SPPL2A: variants seen among roughly 807,000 people sequenced by gnomAD.
SPPL2A encodes the protein signal peptide peptidase like 2A, also known as signal peptide peptidase-like 2A.
SPPL2A carries 51 observed loss-of-function variants against 63.8 expected under a neutral mutation model. That is an observed-to-expected ratio of 0.80 (90% confidence interval 0.64 to 1.01). The LOEUF (loss-of-function observed/expected upper bound fraction) is 1.01, where lower values mean the gene tolerates loss of function less well. SPPL2A is among the 50% of genes least tolerant of loss of function. SPPL2A has a pLI of 0.00. For missense variants in SPPL2A, 553 were observed against 622.7 expected (o/e 0.89, Z 1.19); for synonymous variants, 188 against 205.8 (o/e 0.91, Z 0.74).
chr15:50,725,199 TA>T, intron 12 of SPPL2A, 21 bp downstream of exon 12: 1 of 1,335,548 alleles, frequency 7.5e-7, no homozygotes, highest in African/African-American at 1.5e-5. Flanking sequence ...TTTTTTTAAC[TA>T]AAATTGTTAC....
rs752620935 is a variant in SPPL2A at position 50,747,496 on chromosome 15, A to C, written c.583T>G (p.Leu195Val). The C allele has an allele frequency of 6.3e-6, 10 of 1,598,618 alleles. No homozygotes were observed. The highest frequency in any genetic ancestry group is 8.5e-6 in the Non-Finnish European group (10 of 1,176,230). ...LGGYWSGLVE[L>V]ENLKAVTTED... ...AACGCTTAAGTTAATTAAACTTACA[A>C]TTCAACTAGTCCACTCCAGTATCCA... Residue 195 changes from leucine (L) to valine (V), a missense_variant and splice_region_variant, in exon 5 of 15, where the codon TTG becomes GTG. Leu to Val is a conservative substitution (Grantham distance 32, BLOSUM62 1). Coordinates refer to ENST00000261854, the MANE Select transcript of SPPL2A (RefSeq NM_032802.4).
chr15:50,707,970 G>C (rs111663363), intron 14 of SPPL2A, 96 bp from the exon 15 acceptor site: 1 of 720,600 alleles, frequency 1.4e-6, no homozygotes, highest in Non-Finnish European at 2.5e-6. Flanking sequence ...AAAAAACACA[G>C]ATTGCTCTAT....
intron 10 of SPPL2A, among the ~76,000 whole-genome samples, chr15:50,727,740 T>C (rs958043385): frequency 1.9e-4 from 29 of 152,196 alleles, no homozygotes; most frequent in African/African-American, 6.8e-4. Context: ...ATTTAATCCT[T>C]CAAATTTACA....
chr15:50,720,651 C>T (rs1448313494), intron 13 of SPPL2A, among the ~76,000 whole-genome samples: 1 of 151,542 alleles, frequency 6.6e-6, no homozygotes, highest in Non-Finnish European at 1.5e-5. Flanking sequence ...TCCCAAGTAG[C>T]TGGGATTATA....
chr15:50,731,088 T>C (rs1482297356), intron 9 of SPPL2A, 49 bp from the exon 10 acceptor site: 2 of 792,058 alleles, frequency 2.5e-6, no homozygotes, highest in African/African-American at 1.7e-5. Flanking sequence ...TAAATGTAAA[T>C]GAAGGCATTA....
At chr15:50,741,907 A>G (rs10400818) in intron 5 of SPPL2A, among the ~76,000 whole-genome samples, 37,865 of 151,768 alleles carry the variant, frequency 0.25, 5,672 homozygotes, top group East Asian at 0.55. Flanking sequence ...CAGAGGTTGC[A>G]GTGAGCGAAG....
chr15:50,747,321 T>G (rs766174984), intron 5 of SPPL2A, among the ~76,000 whole-genome samples, 174 bp downstream of exon 5: 7 of 152,198 alleles, frequency 4.6e-5, no homozygotes, highest in Non-Finnish European at 8.8e-5. Flanking sequence ...AATCTGTGAC[T>G]CTTTTCTCTC....
At chr15:50,739,143 A>AGTG (rs144697977) in intron 6 of SPPL2A, among the ~76,000 whole-genome samples, 4,213 of 150,194 alleles carry the variant, frequency 0.028, 77 homozygotes, top group Middle Eastern at 0.1. Flanking sequence ...TCCATGAAGA[A>AGTG]GTGTTCTTAT....
rs1453631286 is a variant in SPPL2A at position 50,707,559 on chromosome 15, A to G, written c.*241T>C. ...TTTTTTTTAGAAAAATATACTGTAT[A>G]TAGTACATCTCGGAAACTACACAGA... On this transcript the variant is annotated 3_prime_UTR_variant, in exon 15 of 15. Coordinates refer to ENST00000261854, the MANE Select transcript of SPPL2A (RefSeq NM_032802.4). 6.6e-6 allele frequency: 3 copies of G among 452,460 alleles called. No individual in the cohort carries two copies. Among genetic ancestry groups the G allele is most frequent in the Non-Finnish European group, 1.2e-5 (3 of 254,516 alleles). 28.0% of individuals were successfully genotyped at this position (452,460 alleles called of 1,614,324 possible).
At position 50,739,738 on chromosome 15, in the gene SPPL2A, T is replaced by C. The variant is rs767476879; in HGVS notation, c.675A>G (p.Ile225Met). The change falls in exon 6 of 15, where the codon ATA becomes ATG. Residue 225 changes from isoleucine (I) to methionine (M), a missense_variant. Transcript: ENST00000261854. ...YLTFSPLTVVIFVVICCVMMV... is the reference protein window; with the variant it reads ...YLTFSPLTVVMFVVICCVMMV... ...TCATAACACAGCAGATGACCACAAA[T>C]ATTACAACTGTAAGAGGACTAAAAG... is the stretch of plus-strand genomic sequence containing the variant. 3 of 1,602,756 alleles carry C rather than the reference T, an allele frequency of 1.9e-6. No individual in the cohort carries two copies. In the South Asian group the frequency reaches 3.4e-5, roughly 18 times the overall value.
At chr15:50,748,605 C>T in intron 3 of SPPL2A, 83 bp downstream of exon 3, 1 of 921,748 alleles carries the variant, frequency 1.1e-6, no homozygotes. Flanking sequence ...AGCCTCTAAA[C>T]CACACACAAA....
intron 11 of SPPL2A, 185 bp from the exon 12 acceptor site, chr15:50,725,508 G>C: frequency 2.3e-6 from 1 of 428,170 alleles, no homozygotes; most frequent in Non-Finnish European, 4.2e-6. Flanking sequence ...AACTGCAACT[G>C]CAACCTCCGC....
chr15:50,708,566 C>G (rs1173312307), intron 14 of SPPL2A, among the ~76,000 whole-genome samples: 1 of 151,554 alleles, frequency 6.6e-6, no homozygotes, highest in African/African-American at 2.4e-5. Flanking sequence ...ATTAGCTGGG[C>G]GTAGTGGCGG....
chr15:50,719,923 A>G lies in SPPL2A; in HGVS notation c.1488+17T>C. ...TAAGCCATAAGATAACTTGGTAACC[A>G]AAGTATAAGCACATACCTGATAGCT... On this transcript the variant is annotated intron_variant, in intron 14 of 14. Transcript: ENST00000261854. 2 of 1,588,206 alleles carry G rather than the reference A, an allele frequency of 1.3e-6. No individual in the cohort carries two copies. The highest frequency in any genetic ancestry group is 1.4e-5 in the African/African-American group (1 of 73,942).
intron 6 of SPPL2A, among the ~76,000 whole-genome samples, chr15:50,739,085 C>T (rs1253060018): frequency 6.6e-6 from 1 of 151,030 alleles, no homozygotes; most frequent in Non-Finnish European, 1.5e-5. Context: ...CTATATCATT[C>T]ATCTACAGAG....
At chr15:50,720,463 C>A (rs552736250) in intron 13 of SPPL2A, among the ~76,000 whole-genome samples, 1 of 151,440 alleles carries the variant, frequency 6.6e-6, no homozygotes, top group Non-Finnish European at 1.5e-5. Context: ...ATCTTCCTAA[C>A]ACTGATTACA....
rs2062497845 is a variant in SPPL2A, at chr15:50,704,952, T to A, written c.*2848A>T. 1 of 152,242 alleles carries A rather than the reference T, an allele frequency of 6.6e-6. No individual in the cohort carries two copies. The highest frequency in any genetic ancestry group is 2.4e-5 in the African/African-American group (1 of 41,470). 9.4% of individuals were successfully genotyped at this position (152,242 alleles called of 1,614,324 possible). On this transcript the variant is annotated 3_prime_UTR_variant, in exon 15 of 15. Transcript: ENST00000261854. The stretch of plus-strand genomic sequence containing the variant: ...GTAACTCGGATTTCAGATTTCTGGA[T>A]GTACCAGTTACTATGCTACTGAGGA...
intron 2 of SPPL2A, among the ~76,000 whole-genome samples, 161 bp downstream of exon 2, chr15:50,749,474 GA>G (rs1301017056): frequency 5.3e-5 from 8 of 152,108 alleles, no homozygotes; most frequent in African/African-American, 7.2e-5. Context: ...TTTTAGTAGA[GA>G]AGGGGTTTCA....
intron 9 of SPPL2A, 143 bp downstream of exon 9, chr15:50,732,460 G>A (rs1032824529): frequency 4.3e-5 from 25 of 580,586 alleles, no homozygotes; most frequent in Non-Finnish European, 7.4e-5. Context: ...CACTGGGATA[G>A]TGGTTATAAA....
Sources: gnomAD v4.1 joint callset for allele counts (sites outside exome capture counted in the v4.1 genomes callset) on GRCh38, gnomAD v4.1.1 for gene constraint, MANE v1.5 for transcripts, NCBI Gene and HGNC (gene_info 2026-07-23, HGNC 2026-07-21) for gene names.